The following CDH22 variants were observed in gnomAD, a reference collection of about 807,000 sequenced individuals.
CDH22 encodes the protein cadherin-22.
CDH22 carries 30 observed loss-of-function variants against 58.4 expected under a neutral mutation model. That is an observed-to-expected ratio of 0.51 (90% CI 0.38 to 0.70). The LOEUF (loss-of-function observed/expected upper bound fraction) is 0.70, where lower values mean the gene tolerates loss of function less well. Ranked by LOEUF, CDH22 falls within the 30% of genes least tolerant of loss-of-function variation. The probability of loss-of-function intolerance (pLI) is 0.00; values close to 1 mark genes in which losing one functional copy is unlikely to be tolerated. For synonymous variants in CDH22, 513 were observed against 558.2 expected, an observed-to-expected ratio of 0.92 and a Z score of 1.14; for missense variants, 1,014 against 1,233.9, an observed-to-expected ratio of 0.82 and a Z score of 2.67.
chr20:46,199,314 T>C, intron 8 of CDH22, 109 bp downstream of exon 8: 1 of 1,346,318 alleles, frequency 7.4e-7, no homozygotes, highest in Non-Finnish European at 1.0e-6. Flanking sequence ...CCCGTGGGCT[T>C]TGACTGACAG....
At chr20:46,180,768 C>G (rs2085778571) in intron 10 of CDH22, among the ~76,000 whole-genome samples, 1 of 152,056 alleles carries the variant, frequency 6.6e-6, no homozygotes, top group African/African-American at 2.4e-5. Context: ...AGGTCTCACT[C>G]TGTCACCCAG....
intron 2 of CDH22, among the ~76,000 whole-genome samples, chr20:46,245,204 A>C (rs1402145222): frequency 2.0e-5 from 3 of 152,138 alleles, no homozygotes; most frequent in African/African-American, 7.2e-5. Flanking sequence ...CACAGACTCA[A>C]ATCCTGACCC....
At chr20:46,245,418 A>C (rs375872553) in intron 2 of CDH22, among the ~76,000 whole-genome samples, 154 of 152,268 alleles carry the variant, frequency 1.0e-3, no homozygotes, top group African/African-American at 3.5e-3. Context: ...CCCAGCTGTC[A>C]TGGGCCTCAA....
intron 1 of CDH22, among the ~76,000 whole-genome samples, chr20:46,254,277 G>A (rs559677255): frequency 1.3e-5 from 2 of 152,240 alleles, no homozygotes; most frequent in South Asian, 4.2e-4. Context: ...AGTACTGGCC[G>A]AGTGAGGTGG....
chr20:46,222,833 C>G (rs184425988), intron 4 of CDH22, among the ~76,000 whole-genome samples: 1 of 152,286 alleles, frequency 6.6e-6, no homozygotes, highest in East Asian at 1.9e-4. Flanking sequence ...CGCGGCGCCC[C>G]GCCTCCTCCC....
At chr20:46,244,371 C>T (rs1049872101) in intron 2 of CDH22, among the ~76,000 whole-genome samples, 3 of 152,186 alleles carry the variant, frequency 2.0e-5, no homozygotes, top group African/African-American at 7.2e-5. Context: ...CGAATTCAGG[C>T]CCAGCTGGGG....
rs374909763 is a variant in CDH22, at chr20:46,213,027, C to T, written c.1000G>A (p.Asp334Asn). 75 of 1,614,056 alleles carry T rather than the reference C, an allele frequency of 4.6e-5. 1 individual carries two copies. Among genetic ancestry groups the T allele is most frequent in the Non-Finnish European group, 5.6e-5 (66 of 1,180,020 alleles). ...GDVFKVTTDS[D>N]TQEAIIVVQK... Reference sequence around the variant, plus strand: ...ACTACGATGATGGCCTCCTGAGTGTCGCTGTCTGTGGTGACCTTGAACACA... The same window carrying T: ...ACTACGATGATGGCCTCCTGAGTGTTGCTGTCTGTGGTGACCTTGAACACA... Residue 334 changes from aspartate to asparagine, a missense_variant, in exon 6 of 12, where the codon GAC (aspartate) becomes AAC (asparagine). By Grantham distance (23) the Asp-to-Asn change is conservative. Around this residue, in one of 2 missense-constraint regions of CDH22, gnomAD observed 806 missense variants for 1,038.7 expected, o/e 0.78. Coordinates refer to ENST00000537909, the MANE Select transcript of CDH22 (RefSeq NM_021248.3).
intron 2 of CDH22, among the ~76,000 whole-genome samples, chr20:46,243,704 C>T (rs1439469864): frequency 6.6e-6 from 1 of 152,142 alleles, no homozygotes; most frequent in Non-Finnish European, 1.5e-5. Flanking sequence ...TGATTCTGTT[C>T]CCTTTTGGGG....
rs112642483 is a variant in CDH22, at chr20:46,193,021, T to C, written c.1424-6074A>G. ...ATGGAGACTGGAAGCTTTGACCTTA[T>C]TGGGGGGACGTTTATTCCTCCAAGG... On this transcript the variant is annotated intron_variant, in intron 8 of 11. Coordinates refer to ENST00000537909, the MANE Select transcript of CDH22 (RefSeq NM_021248.3). Among the ~76,000 whole-genome samples the C allele has an allele frequency of 4.4e-3, 675 of 152,060 alleles. 6 individuals carry two copies. Among genetic ancestry groups the C allele is most frequent in the African/African-American group, 0.015 (635 of 41,474 alleles).
chr20:46,296,121 C>T (rs766006349), intron 1 of CDH22, among the ~76,000 whole-genome samples: 3 of 152,090 alleles, frequency 2.0e-5, no homozygotes, highest in Non-Finnish European at 4.4e-5. Flanking sequence ...AACTCCTGGG[C>T]CCTCTTTTTG....
chr20:46,195,368 C>T (rs1047524006), intron 8 of CDH22, among the ~76,000 whole-genome samples: 1 of 152,128 alleles, frequency 6.6e-6, no homozygotes, highest in African/African-American at 2.4e-5. Context: ...TCACACAGAC[C>T]CATCTAAAAA....
At chr20:46,226,650 A>G (rs2086177151) in intron 4 of CDH22, among the ~76,000 whole-genome samples, 1 of 152,004 alleles carries the variant, frequency 6.6e-6, no homozygotes, top group Admixed American at 6.6e-5. Context: ...ATCCCTACAT[A>G]TCTGCCTATC....
intron 4 of CDH22, among the ~76,000 whole-genome samples, chr20:46,219,132 G>C (rs938764720): frequency 1.2e-4 from 18 of 152,120 alleles, no homozygotes; most frequent in African/African-American, 4.1e-4. Flanking sequence ...GGCACCTAAG[G>C]GGTGGTCCTG....
At chr20:46,213,803 C>T (rs1013995599) in intron 5 of CDH22, among the ~76,000 whole-genome samples, 4 of 152,168 alleles carry the variant, frequency 2.6e-5, no homozygotes, top group African/African-American at 2.4e-5. Flanking sequence ...AGACATCATG[C>T]GGTTCTAGAC....
intron 1 of CDH22, among the ~76,000 whole-genome samples, chr20:46,253,761 C>T (rs1018655833): frequency 2.6e-5 from 4 of 152,168 alleles, no homozygotes; most frequent in African/African-American, 9.7e-5. Flanking sequence ...CCAACTCCAA[C>T]AAGCAGCTCC....
At chr20:46,199,614 A>G in intron 7 of CDH22, 55 bp from the exon 8 acceptor site, 1 of 1,582,226 alleles carries the variant, frequency 6.3e-7, no homozygotes, top group Non-Finnish European at 8.6e-7. Context: ...AATGGAGCCC[A>G]TGTCCTTTTC....
intron 1 of CDH22, among the ~76,000 whole-genome samples, chr20:46,278,462 T>A (rs62214488): frequency 0.28 from 42,475 of 152,170 alleles, 6,046 homozygotes; most frequent in South Asian, 0.4. Flanking sequence ...CAGCCACCAA[T>A]GTCTGGATTA....
chr20:46,248,239 A>G (rs1384804431), intron 2 of CDH22, among the ~76,000 whole-genome samples: 7 of 152,106 alleles, frequency 4.6e-5, no homozygotes, highest in Non-Finnish European at 1.0e-4. Context: ...GAGGTGATAA[A>G]GGCTAGGTAG....
intron 3 of CDH22, among the ~76,000 whole-genome samples, chr20:46,235,656 T>G (rs1406675455): frequency 1.3e-5 from 2 of 152,192 alleles, no homozygotes; most frequent in Non-Finnish European, 1.5e-5. Context: ...AGCATCGTCC[T>G]TGTCTCCTCT....
Sources: gnomAD v4.1 joint callset for allele counts (sites outside exome capture counted in the v4.1 genomes callset) on GRCh38, gnomAD v4.1.1 for gene constraint, gnomAD v4.1.1 regional missense constraint, MANE v1.5 for transcripts, NCBI Gene and HGNC (gene_info 2026-07-23, HGNC 2026-07-21) for gene names.